Variants in RAB28 observed in about 807,000 individuals in gnomAD.
RAB28 encodes ras-related protein Rab-28.
A neutral mutation model predicts 31.7 loss-of-function variants in RAB28; 24 were observed. That is an observed-to-expected ratio of 0.76 (90% confidence interval 0.55 to 1.06). RAB28 has a LOEUF of 1.06. Among genes scored for constraint, RAB28 ranks in the 50% least tolerant of loss-of-function variants. The pLI is 0.00. For synonymous variants in RAB28, 100 were observed against 90.4 expected, an observed-to-expected ratio of 1.11 and a Z score of -0.60; for missense variants, 254 against 258.5, an observed-to-expected ratio of 0.98 and a Z score of 0.12.
intron 4 of RAB28, among the ~76,000 whole-genome samples, chr4:13,449,317 A>C (rs370421462): frequency 1.9e-4 from 29 of 152,078 alleles, no homozygotes; most frequent in African/African-American, 6.7e-4. Context: ...AGTATAGGCA[A>C]GTAATTTCAT....
intron 4 of RAB28, among the ~76,000 whole-genome samples, chr4:13,451,628 G>T (rs1479753020): frequency 6.6e-6 from 1 of 151,718 alleles, no homozygotes; most frequent in Non-Finnish European, 1.5e-5. Context: ...CTATGTTTGT[G>T]AGGTCTTATT....
At position 13,460,793 on chromosome 4, in the gene RAB28, T is replaced by G; in HGVS notation, c.297A>C (p.Gln99His). ...ACCAATCTTCTAAATTCTCAAAGCTTTGATAATTTGTAATATCATATACCA... is the reference window on the plus strand; with the variant it reads ...ACCAATCTTCTAAATTCTCAAAGCTGTGATAATTTGTAATATCATATACCA... ...VLLVYDITNY[Q>H]SFENLEDWYT... The change falls in exon 4 of 7, where the codon CAA becomes CAC. Residue 99 changes from glutamine (Q) to histidine (H), a missense_variant. Transcript: ENST00000330852. 1 of 1,613,658 alleles carries G rather than the reference T, an allele frequency of 6.2e-7. No homozygotes were observed. The highest frequency in any genetic ancestry group is 8.5e-7 in the Non-Finnish European group (1 of 1,179,608).
At chr4:13,389,387 C>A (rs1560272607) in intron 4 of RAB28, among the ~76,000 whole-genome samples, 1 of 152,064 alleles carries the variant, frequency 6.6e-6, no homozygotes, top group African/African-American at 2.4e-5. Flanking sequence ...TGTTTCACAA[C>A]AATATGACTA....
chr4:13,455,614 C>A (rs143051994), intron 4 of RAB28, among the ~76,000 whole-genome samples: 1 of 152,262 alleles, frequency 6.6e-6, no homozygotes. Context: ...GCTTGACTCA[C>A]AAGGCGTGGG....
chr4:13,383,903 C>G (rs1170921509), intron 4 of RAB28, among the ~76,000 whole-genome samples: 1 of 152,156 alleles, frequency 6.6e-6, no homozygotes, highest in African/African-American at 2.4e-5. Context: ...CTCAGCATCC[C>G]TTGGTCTGCT....
chr4:13,478,519 A>C (rs1052184571), intron 2 of RAB28, among the ~76,000 whole-genome samples: 12 of 151,582 alleles, frequency 7.9e-5, no homozygotes, highest in African/African-American at 2.7e-4. Context: ...TGAGAGGTTA[A>C]CATATTTCAA....
At chr4:13,371,743 A>T (rs1728720687) in intron 6 of RAB28, 1 of 1,545,024 alleles carries the variant, frequency 6.5e-7, no homozygotes, top group Non-Finnish European at 8.7e-7. Context: ...CAGCTTATTT[A>T]AAAGCCATTT....
At chr4:13,390,102 A>C (rs1279686921) in intron 4 of RAB28, among the ~76,000 whole-genome samples, 6 of 152,202 alleles carry the variant, frequency 3.9e-5, no homozygotes, top group African/African-American at 1.4e-4. Context: ...AATTAGGAAA[A>C]GAGGAAGTCA....
chr4:13,478,673 T>C (rs1472471534), intron 2 of RAB28, among the ~76,000 whole-genome samples: 2 of 151,732 alleles, frequency 1.3e-5, no homozygotes. Flanking sequence ...TCAATCAAGA[T>C]AAACTGCTTT....
intron 3 of RAB28, among the ~76,000 whole-genome samples, chr4:13,472,341 A>C (rs1442482954): frequency 6.6e-6 from 1 of 151,608 alleles, no homozygotes; most frequent in Non-Finnish European, 1.5e-5. Context: ...GGTTAACTTT[A>C]TAATACACAA....
intron 4 of RAB28, among the ~76,000 whole-genome samples, chr4:13,446,602 G>T (rs1714711150): frequency 6.6e-6 from 1 of 152,180 alleles, no homozygotes; most frequent in African/African-American, 2.4e-5. Context: ...GGCTGGGGGA[G>T]GGGGATCCCG....
At chr4:13,408,158 T>C (rs777767719) in intron 4 of RAB28, among the ~76,000 whole-genome samples, 45 of 152,210 alleles carry the variant, frequency 3.0e-4, no homozygotes, top group Non-Finnish European at 4.1e-4. Context: ...TTGTCATAAA[T>C]AGCTCTTATT....
In RAB28 at chr4:13,388,106, T is replaced by C. The variant is rs144598563; in HGVS notation, c.392-6512A>G. On this transcript the variant is annotated intron_variant, in intron 4 of 6. Coordinates refer to ENST00000330852, the MANE Select transcript of RAB28 (RefSeq NM_001017979.3). ...CATCTCTGCTTTCAGACAGCAAGAT[T>C]TACTTGGAGAGTCGGATACGCCATA... Among the ~76,000 whole-genome samples the C allele has an allele frequency of 5.3e-3, 813 of 152,172 alleles. 6 individuals are homozygous for C. The highest frequency in any genetic ancestry group is 9.5e-3 in the Non-Finnish European group (648 of 67,904).
intron 4 of RAB28, among the ~76,000 whole-genome samples, chr4:13,396,854 C>G (rs1366565676): frequency 1.3e-5 from 2 of 152,022 alleles, no homozygotes; most frequent in African/African-American, 4.8e-5. Context: ...TTGGCATTCT[C>G]CTTTTAAACG....
At chr4:13,457,955 C>T (rs1056005471) in intron 4 of RAB28, among the ~76,000 whole-genome samples, 3 of 152,090 alleles carry the variant, frequency 2.0e-5, no homozygotes, top group African/African-American at 7.2e-5. Context: ...TAATGCAAAA[C>T]CTCCAATAAA....
chr4:13,402,455 T>C (rs1002838684), intron 4 of RAB28, among the ~76,000 whole-genome samples: 1 of 152,248 alleles, frequency 6.6e-6, no homozygotes, highest in African/African-American at 2.4e-5. Context: ...AGAATTGTTA[T>C]ACCTTTTTGT....
chr4:13,463,980 C>T (rs563562978), intron 3 of RAB28, among the ~76,000 whole-genome samples: 1 of 152,120 alleles, frequency 6.6e-6, no homozygotes, highest in South Asian at 2.1e-4. Context: ...TTGGACTGAT[C>T]AGAAAACTGA....
At chr4:13,444,980 C>A (rs1007128477) in intron 4 of RAB28, among the ~76,000 whole-genome samples, 1 of 152,168 alleles carries the variant, frequency 6.6e-6, no homozygotes, top group African/African-American at 2.4e-5. Context: ...TTTTTCCCAA[C>A]TTGGTTCCAT....
At chr4:13,419,490 A>C (rs1422794289) in intron 4 of RAB28, among the ~76,000 whole-genome samples, 1 of 152,232 alleles carries the variant, frequency 6.6e-6, no homozygotes, top group African/African-American at 2.4e-5. Context: ...AATTGACTAC[A>C]TAGTTGGAAG....
Sources: gnomAD v4.1 joint callset for allele counts (sites outside exome capture counted in the v4.1 genomes callset) on GRCh38, gnomAD v4.1.1 for gene constraint, MANE v1.5 for transcripts, NCBI Gene and HGNC (gene_info 2026-07-23, HGNC 2026-07-21) for gene names.